The following FHIT variants were observed in gnomAD, a reference collection of about 807,000 sequenced individuals.
FHIT encodes fragile histidine triad diadenosine triphosphatase, also known as bis(5'-adenosyl)-triphosphatase.
In FHIT, 19 loss-of-function variants were observed where a neutral mutation model predicts 17.9. The ratio of observed to expected loss-of-function variants is 1.06; its 90% CI spans 0.74 to 1.56. The LOEUF is 1.56. Among genes scored for constraint, FHIT ranks in the 40% most tolerant of loss-of-function variants. FHIT has a pLI of 0.00. For missense variants in FHIT, 248 were observed against 189.2 expected, an observed-to-expected ratio of 1.31 and a Z score of -1.82; for synonymous variants, 81 against 69.7, an observed-to-expected ratio of 1.16 and a Z score of -0.81.
intron 5 of FHIT, among the ~76,000 whole-genome samples, chr3:60,471,538 C>A (rs774827737): frequency 3.3e-5 from 5 of 152,100 alleles, no homozygotes; most frequent in Non-Finnish European, 7.4e-5. Flanking sequence ...TCTCCTTCCC[C>A]CAAGCACAAA....
intron 5 of FHIT, among the ~76,000 whole-genome samples, chr3:60,506,744 C>T (rs2034747066): frequency 6.6e-6 from 1 of 152,050 alleles, no homozygotes; most frequent in Non-Finnish European, 1.5e-5. Context: ...CTTCTTCAGC[C>T]TGCGTAAATG....
At chr3:60,732,280 G>C (rs1205841293) in intron 4 of FHIT, 4 of 932,270 alleles carry the variant, frequency 4.3e-6, no homozygotes, top group East Asian at 2.4e-5. Context: ...TCCAACCACT[G>C]AGTCTTGGCA....
At chr3:61,074,535 G>A (rs575185747) in intron 2 of FHIT, among the ~76,000 whole-genome samples, 163 of 152,216 alleles carry the variant, frequency 1.1e-3, no homozygotes, top group African/African-American at 3.8e-3. Context: ...CACAGAAAAT[G>A]CTGGAAGCTC....
At chr3:60,934,376 C>T (rs1220916461) in intron 3 of FHIT, among the ~76,000 whole-genome samples, 1 of 152,182 alleles carries the variant, frequency 6.6e-6, no homozygotes, top group African/African-American at 2.4e-5. Context: ...AACTAAGGAC[C>T]TGGAAAAAGC....
intron 7 of FHIT, among the ~76,000 whole-genome samples, chr3:59,932,018 C>T (rs895940214): frequency 1.3e-5 from 2 of 152,088 alleles, no homozygotes; most frequent in Non-Finnish European, 2.9e-5. Flanking sequence ...TATAAAGTGT[C>T]ACTGAACTCT....
chr3:60,927,453 G>T (rs1429303724), intron 3 of FHIT, among the ~76,000 whole-genome samples: 1 of 152,064 alleles, frequency 6.6e-6, no homozygotes, highest in Non-Finnish European at 1.5e-5. Flanking sequence ...CAATCATCTG[G>T]GATGTGAGGA....
At chr3:60,938,875 A>G (rs1708298432) in intron 3 of FHIT, among the ~76,000 whole-genome samples, 2 of 152,342 alleles carry the variant, frequency 1.3e-5, no homozygotes, top group South Asian at 4.1e-4. Context: ...CTTTCGTTCT[A>G]AAAACCCTGC....
At chr3:60,253,574 C>G (rs1028451253) in intron 5 of FHIT, among the ~76,000 whole-genome samples, 1 of 152,184 alleles carries the variant, frequency 6.6e-6, no homozygotes, top group Non-Finnish European at 1.5e-5. Flanking sequence ...CAATGATTTT[C>G]TCATTTGTAT....
At chr3:60,611,212 C>T (rs2038775316) in intron 4 of FHIT, among the ~76,000 whole-genome samples, 1 of 152,116 alleles carries the variant, frequency 6.6e-6, no homozygotes, top group South Asian at 2.1e-4. Flanking sequence ...GGCTAGAAAC[C>T]TGGAACACAA....
At chr3:60,353,838 T>C (rs975077618) in intron 5 of FHIT, among the ~76,000 whole-genome samples, 3 of 152,088 alleles carry the variant, frequency 2.0e-5, no homozygotes, top group African/African-American at 7.2e-5. Flanking sequence ...TTTTAAAAAT[T>C]TATAAGAAGT....
intron 5 of FHIT, among the ~76,000 whole-genome samples, chr3:60,249,689 G>GACACACACACACAC (rs59885844): frequency 0.04 from 5,512 of 137,294 alleles, 190 homozygotes; most frequent in East Asian, 0.064. Context: ...ATACAGCCAA[G>GACACACACACACAC]ACACACACAC....
intron 3 of FHIT, among the ~76,000 whole-genome samples, chr3:61,040,689 T>C (rs1235245171): frequency 8.5e-5 from 13 of 152,222 alleles, no homozygotes; most frequent in African/African-American, 2.4e-5. Context: ...GTGGTATCTG[T>C]TGCTTCTATT....
At chr3:60,430,921 C>G (rs373327316) in intron 5 of FHIT, among the ~76,000 whole-genome samples, 1 of 152,066 alleles carries the variant, frequency 6.6e-6, no homozygotes, top group African/African-American at 2.4e-5. Flanking sequence ...TTTCTCAGTC[C>G]TGGTTTTGGG....
At chr3:61,223,766 T>C (rs959129948) in intron 1 of FHIT, among the ~76,000 whole-genome samples, 6 of 152,214 alleles carry the variant, frequency 3.9e-5, no homozygotes, top group Non-Finnish European at 4.4e-5. Context: ...AATGCTATCT[T>C]ATTTTGCATT....
intron 8 of FHIT, 123 bp from the exon 9 acceptor site, chr3:59,752,444 T>A: frequency 3.3e-6 from 2 of 610,616 alleles, no homozygotes; most frequent in Non-Finnish European, 5.8e-6. Flanking sequence ...GTGTATCTTT[T>A]AATTGTTTCA....
chr3:60,901,841 AC>A (rs1213983748), intron 3 of FHIT, among the ~76,000 whole-genome samples: 1 of 152,150 alleles, frequency 6.6e-6, no homozygotes, highest in African/African-American at 2.4e-5. Flanking sequence ...TGAAAAATAC[AC>A]TGAGAACCAC....
chr3:60,304,899 A>G (rs1482512206), intron 5 of FHIT, among the ~76,000 whole-genome samples: 1 of 152,160 alleles, frequency 6.6e-6, no homozygotes, highest in African/African-American at 2.4e-5. Context: ...AATCTAATCT[A>G]CTATAAAAAT....
chr3:61,108,941 G>A (rs1306240561), intron 2 of FHIT, among the ~76,000 whole-genome samples: 1 of 152,184 alleles, frequency 6.6e-6, no homozygotes, highest in Non-Finnish European at 1.5e-5. Context: ...CAACTTTAGT[G>A]ATTAAAGTTA....
At chr3:60,552,194 C>G (rs1353763311) in intron 4 of FHIT, among the ~76,000 whole-genome samples, 2 of 152,114 alleles carry the variant, frequency 1.3e-5, no homozygotes, top group African/African-American at 4.8e-5. Context: ...GAATAATACC[C>G]CATTGTATGT....
Sources: allele counts gnomAD v4.1 joint callset (sites outside exome capture counted in the v4.1 genomes callset), GRCh38; gene constraint gnomAD v4.1.1; transcripts MANE v1.5; gene names NCBI Gene and HGNC (gene_info 2026-07-23, HGNC 2026-07-21).